Variants in XXYLT1 observed in about 807,000 individuals in gnomAD.
The protein encoded by XXYLT1 is UDP-xylose:alpha-xyloside alpha-1,3-xylosyltransferase.
In XXYLT1, 20 loss-of-function variants were observed where a neutral mutation model predicts 28.9. The observed-to-expected ratio is 0.69, with a 90% confidence interval of 0.49 to 1.00. The LOEUF (loss-of-function observed/expected upper bound fraction) is 1.00, where lower values mean the gene tolerates loss of function less well. Ranked by LOEUF, XXYLT1 falls within the 50% of genes least tolerant of loss-of-function variation. The probability of loss-of-function intolerance (pLI) is 0.00; values close to 1 mark genes in which losing one functional copy is unlikely to be tolerated. For synonymous variants in XXYLT1, 257 were observed against 253.8 expected, an observed-to-expected ratio of 1.01 and a Z score of -0.12; for missense variants, 542 against 560.1, an observed-to-expected ratio of 0.97 and a Z score of 0.33.
intron 3 of XXYLT1, among the ~76,000 whole-genome samples, chr3:195,080,004 T>C (rs1715340140): frequency 6.6e-6 from 1 of 151,606 alleles, no homozygotes; most frequent in South Asian, 2.1e-4. Context: ...TTCAAATGGA[T>C]GGATTAATGA....
At chr3:195,155,654 C>G (rs1310581618) in intron 3 of XXYLT1, among the ~76,000 whole-genome samples, 1 of 151,344 alleles carries the variant, frequency 6.6e-6, no homozygotes, top group Non-Finnish European at 1.5e-5. Context: ...AACCCACCCC[C>G]ACGCCCCCCA....
rs1157620968 is a variant in XXYLT1, at chr3:195,109,684, AGT to A, written c.786-39575_786-39574del. Among the ~76,000 whole-genome samples, 5 of 22,912 alleles carry A rather than the reference AGT, an allele frequency of 2.2e-4. 1 individual carries two copies. The highest frequency in any genetic ancestry group is 4.9e-4 in the African/African-American group (3 of 6,122). The allele number at this position is 22,912 out of a possible 152,430, so 15.0% of individuals were successfully genotyped here. ...GTGTGTGTGGTGTGTGTGTTGTATGAGTGTGTGTGGTGTCTGGTGTGTGTGGT... is the reference window on the plus strand; with the variant it reads ...GTGTGTGTGGTGTGTGTGTTGTATGAGTGTGTGGTGTCTGGTGTGTGTGGT... On this transcript the variant is annotated intron_variant, in intron 3 of 3. Coordinates refer to ENST00000310380, the MANE Select transcript of XXYLT1 (RefSeq NM_152531.5).
chr3:195,204,036 C>T (rs1374015415), intron 2 of XXYLT1, among the ~76,000 whole-genome samples: 1 of 152,186 alleles, frequency 6.6e-6, no homozygotes, highest in Admixed American at 6.5e-5. Flanking sequence ...GAATTCACCA[C>T]ACATAGTGTT....
Position 195,209,897 on chromosome 3 carries a change from A to G in XXYLT1, c.652+16812T>C, listed in dbSNP as rs1723237007. 1 of 149,054 alleles carries G rather than the reference A, an allele frequency of 6.7e-6. No individual in the cohort carries two copies. The highest frequency in any genetic ancestry group is 2.6e-5 in the African/African-American group (1 of 38,300). The allele number at this position is 149,054 out of a possible 1,614,324, so 9.2% of individuals were successfully genotyped here. On this transcript the variant is annotated intron_variant, in intron 2 of 3. Coordinates refer to ENST00000310380, the MANE Select transcript of XXYLT1 (RefSeq NM_152531.5). The surrounding 1 kb of genome is among the most constrained non-coding windows in gnomAD (Gnocchi z 5.0). ...CAGCAGGACCTGGCCATCAGCAACT[A>G]CACACAGGACTTGAGTACAGAAATG...
At chr3:195,071,011 C>T (rs895205462) in intron 3 of XXYLT1, among the ~76,000 whole-genome samples, 6 of 152,244 alleles carry the variant, frequency 3.9e-5, no homozygotes, top group African/African-American at 9.6e-5. Context: ...AGACACCTCC[C>T]TGTGAGGGCC....
chr3:195,108,780 C>T (rs4677659), intron 3 of XXYLT1, among the ~76,000 whole-genome samples: 105,362 of 152,138 alleles, frequency 0.69, 36,808 homozygotes, highest in Middle Eastern at 0.72. Context: ...TATAATCGGA[C>T]GGGACCACCA....
intron 3 of XXYLT1, among the ~76,000 whole-genome samples, chr3:195,123,255 C>G (rs1718455550): frequency 6.6e-6 from 1 of 152,060 alleles, no homozygotes; most frequent in Non-Finnish European, 1.5e-5. Context: ...ACCACCTATC[C>G]ATCATAGTGG....
chr3:195,129,907 T>C lies in XXYLT1; in HGVS notation c.785+26542A>G, dbSNP rs1560110048. ...GCCAGACTGTTCTTCAGAGCAGCTG[T>C]ACCACTTCATATTCCCACCACCAGT... On this transcript the variant is annotated intron_variant, in intron 3 of 3. Transcript: ENST00000310380. The surrounding 1 kb of genome is among the most constrained non-coding windows in gnomAD (Gnocchi z 4.4). 6.6e-6 allele frequency among the ~76,000 whole-genome samples: 1 copy of C among 152,200 alleles called. No homozygotes were observed. The highest frequency in any genetic ancestry group is 2.4e-5 in the African/African-American group (1 of 41,450).
intron 3 of XXYLT1, among the ~76,000 whole-genome samples, chr3:195,088,530 C>A (rs1157037559): frequency 7.8e-6 from 1 of 128,674 alleles, no homozygotes; most frequent in Non-Finnish European, 1.7e-5. Flanking sequence ...ATCTGTACAT[C>A]ACCATCATCA....
intron 3 of XXYLT1, among the ~76,000 whole-genome samples, chr3:195,134,864 T>C (rs11707788): frequency 1.6e-3 from 148 of 93,156 alleles, no homozygotes; most frequent in African/African-American, 6.3e-3. Flanking sequence ...TGTGTGTGTG[T>C]GTGTGCGTGT....
chr3:195,119,305 A>AT (rs1487818760), intron 3 of XXYLT1, among the ~76,000 whole-genome samples: 1 of 141,776 alleles, frequency 7.1e-6, no homozygotes, highest in Non-Finnish European at 1.6e-5. Context: ...AAAAAAAAAA[A>AT]GGAAATAACA....
chr3:195,222,062 A>G (rs538134120), intron 2 of XXYLT1, among the ~76,000 whole-genome samples: 1 of 152,304 alleles, frequency 6.6e-6, no homozygotes, highest in East Asian at 1.9e-4. Context: ...GGCAAAACTC[A>G]TGGGTTTGAC....
chr3:195,214,586 G>A (rs556607565), intron 2 of XXYLT1, among the ~76,000 whole-genome samples: 6 of 152,256 alleles, frequency 3.9e-5, no homozygotes, highest in South Asian at 2.1e-4. Flanking sequence ...ATCCACAATC[G>A]TAGGGGGGCA....
intron 3 of XXYLT1, among the ~76,000 whole-genome samples, chr3:195,110,144 T>G: frequency 2.2e-5 from 1 of 46,228 alleles, no homozygotes; most frequent in Non-Finnish European, 4.6e-5. Context: ...GTGGTGTGTG[T>G]GGTGTCTGTG....
At chr3:195,263,106 G>A (rs2108856528) in intron 1 of XXYLT1, among the ~76,000 whole-genome samples, 1 of 152,312 alleles carries the variant, frequency 6.6e-6, no homozygotes. Context: ...CCAGCATCAA[G>A]GTCAAGGTCT....
chr3:195,092,477 T>G (rs1421434271), intron 3 of XXYLT1, among the ~76,000 whole-genome samples: 19 of 143,346 alleles, frequency 1.3e-4, no homozygotes, highest in African/African-American at 5.0e-4. Context: ...GCTAGCCATA[T>G]GTAGAAAGCT....
intron 3 of XXYLT1, among the ~76,000 whole-genome samples, chr3:195,155,476 G>T (rs1466878195): frequency 6.6e-6 from 1 of 152,046 alleles, no homozygotes; most frequent in Non-Finnish European, 1.5e-5. Context: ...AAACTCTCCA[G>T]GCCCAGGGCC....
intron 2 of XXYLT1, among the ~76,000 whole-genome samples, chr3:195,166,635 T>C (rs1488353306): frequency 4.6e-5 from 7 of 152,202 alleles, no homozygotes; most frequent in African/African-American, 1.7e-4. Flanking sequence ...TCTTTCTTTG[T>C]TTTCCAGGAC....
At chr3:195,203,491 G>T (rs1722940870) in intron 2 of XXYLT1, among the ~76,000 whole-genome samples, 1 of 152,102 alleles carries the variant, frequency 6.6e-6, no homozygotes, top group Admixed American at 6.5e-5. Flanking sequence ...CCAGGCTTGG[G>T]ACTGACAGCA....
Sources: allele counts gnomAD v4.1 joint callset (sites outside exome capture counted in the v4.1 genomes callset), GRCh38; gene constraint gnomAD v4.1.1; non-coding constraint Gnocchi (gnomAD v3.1); transcripts MANE v1.5; gene names NCBI Gene and HGNC (gene_info 2026-07-23, HGNC 2026-07-21).